RIMS2: variants seen among roughly 807,000 people sequenced by gnomAD.
The protein encoded by RIMS2 is regulating synaptic membrane exocytosis protein 2.
Under a neutral mutation model 174.4 loss-of-function variants are expected in RIMS2, and 59 were observed. The observed-to-expected ratio is 0.34, with a 90% CI of 0.27 to 0.42. The LOEUF (loss-of-function observed/expected upper bound fraction) is 0.42, where lower values mean the gene tolerates loss of function less well. RIMS2 is among the 10% of genes least tolerant of loss of function. The pLI is 1.00. For missense variants in RIMS2, 1,620 were observed against 1,666.3 expected, an observed-to-expected ratio of 0.97 and a Z score of 0.48; for synonymous variants, 606 against 572.5, an observed-to-expected ratio of 1.06 and a Z score of -0.84.
At chr8:104,196,612 G>A (rs1427743083) in intron 19 of RIMS2, among the ~76,000 whole-genome samples, 1 of 152,040 alleles carries the variant, frequency 6.6e-6, no homozygotes, top group Non-Finnish European at 1.5e-5. Flanking sequence ...AAATATGTTT[G>A]ATGATAGTAC....
chr8:103,898,028 C>A (rs376821755), intron 4 of RIMS2, among the ~76,000 whole-genome samples: 1 of 151,702 alleles, frequency 6.6e-6, no homozygotes, highest in East Asian at 1.9e-4. Context: ...GTGCTTCCTT[C>A]TCATTGGTGG....
intron 1 of RIMS2, among the ~76,000 whole-genome samples, chr8:103,596,495 G>T (rs977961558): frequency 6.6e-6 from 1 of 151,982 alleles, no homozygotes; most frequent in Admixed American, 6.6e-5. Context: ...CCTCATAAAT[G>T]TAAATATCTC....
intron 3 of RIMS2, among the ~76,000 whole-genome samples, chr8:103,880,168 T>G (rs1272742428): frequency 6.6e-6 from 1 of 151,680 alleles, no homozygotes; most frequent in Non-Finnish European, 1.5e-5. Context: ...GGTGAAAGCT[T>G]AAGCAGCACA....
rs144153223 is a variant in RIMS2, at chr8:103,504,695, G to A, written c.176+3633G>A. ...CAATAAGTAAAAATTTTCCTGATAG[G>A]TTAGGATAACAATTAGTATATATTT... On this transcript the variant is annotated intron_variant, in intron 1 of 23. Coordinates refer to ENST00000504942, the Ensembl canonical transcript of RIMS2. Among the ~76,000 whole-genome samples the A allele has an allele frequency of 5.1e-4, 78 of 152,020 alleles. 1 individual carries two copies. In the East Asian group the frequency reaches 0.014, roughly 28 times the overall value.
chr8:103,819,601 C>T, intron 3 of RIMS2: 1 of 1,613,324 alleles, frequency 6.2e-7, no homozygotes, highest in African/African-American at 1.3e-5. Context: ...ACAAAATGAG[C>T]TTTTTGGACA....
intron 19 of RIMS2, among the ~76,000 whole-genome samples, chr8:104,187,906 G>T (rs749005559): frequency 6.6e-6 from 1 of 151,040 alleles, no homozygotes; most frequent in Non-Finnish European, 1.5e-5. Context: ...TTCAAGAGAA[G>T]AGTTTTTTTA....
intron 2 of RIMS2, among the ~76,000 whole-genome samples, chr8:103,734,765 G>T (rs2097663064): frequency 6.6e-6 from 1 of 151,972 alleles, no homozygotes; most frequent in African/African-American, 2.4e-5. Flanking sequence ...TGCAAGCTTT[G>T]GTAGGCCTCT....
chr8:103,812,333 T>TTTTG (rs2098692858), intron 3 of RIMS2, among the ~76,000 whole-genome samples: 1 of 82,482 alleles, frequency 1.2e-5, no homozygotes, highest in Non-Finnish European at 3.0e-5. Context: ...ATTACCTTGT[T>TTTTG]TTTTTTTTTT....
At chr8:103,879,283 AG>A (rs761465061) in intron 3 of RIMS2, among the ~76,000 whole-genome samples, 7 of 151,484 alleles carry the variant, frequency 4.6e-5, no homozygotes, top group Non-Finnish European at 1.0e-4. Context: ...TTACAGTTGG[AG>A]GAACACCACC....
At chr8:103,549,269 C>A (rs1441765750) in intron 1 of RIMS2, among the ~76,000 whole-genome samples, 2 of 152,186 alleles carry the variant, frequency 1.3e-5, no homozygotes, top group African/African-American at 4.8e-5. Flanking sequence ...AACAGCAGAT[C>A]TCTTGGCAGA....
chr8:103,594,802 G>C (rs2094421792), intron 1 of RIMS2, among the ~76,000 whole-genome samples: 1 of 151,764 alleles, frequency 6.6e-6, no homozygotes, highest in South Asian at 2.1e-4. Flanking sequence ...CAAATCTTTA[G>C]ATGTGTTTCT....
intron 2 of RIMS2, among the ~76,000 whole-genome samples, chr8:103,734,317 C>CTTT (rs752360759): frequency 3.1e-4 from 38 of 121,706 alleles, no homozygotes; most frequent in South Asian, 1.4e-3. Context: ...GGCCTAAAAG[C>CTTT]TTTTTTTTTT....
At chr8:103,679,262 G>A (rs2096850991) in intron 1 of RIMS2, among the ~76,000 whole-genome samples, 1 of 152,042 alleles carries the variant, frequency 6.6e-6, no homozygotes, top group African/African-American at 2.4e-5. Context: ...CTTATGAGGA[G>A]CTCTTAATTT....
At chr8:103,769,010 C>A in intron 3 of RIMS2, 2 of 326,704 alleles carry the variant, frequency 6.1e-6, no homozygotes, top group South Asian at 3.6e-5. Flanking sequence ...ACTTCTAAGT[C>A]TGAATCCAGT....
At chr8:103,985,883 C>A (rs2094322864) in intron 16 of RIMS2, among the ~76,000 whole-genome samples, 1 of 152,110 alleles carries the variant, frequency 6.6e-6, no homozygotes, top group Non-Finnish European at 1.5e-5. Context: ...ATAAATACCA[C>A]ATGATCTAAC....
At position 103,572,129 on chromosome 8, in the gene RIMS2, A is replaced by G. The variant is rs1228128214; in HGVS notation, c.176+71067A>G. On this transcript the variant is annotated intron_variant, in intron 1 of 23. Transcript: ENST00000504942. ...GAAGTGTCTGGAGTTTCTTCCTTCC[A>G]GTGGGTTCATGGTCTCGCTTGACTT... is the stretch of plus-strand genomic sequence containing the variant. 2.0e-5 allele frequency among the ~76,000 whole-genome samples: 3 copies of G among 152,010 alleles called. No individual in the cohort carries two copies. The East Asian group carries it at 5.8e-4, about 29-fold the overall frequency.
At chr8:104,082,548 A>G (rs76443807) in intron 19 of RIMS2, among the ~76,000 whole-genome samples, 2 of 152,144 alleles carry the variant, frequency 1.3e-5, no homozygotes. Context: ...GAAACAGCTA[A>G]TAGTTCTTTA....
chr8:103,519,719 TC>T (rs1378214086), intron 1 of RIMS2, among the ~76,000 whole-genome samples: 1 of 149,276 alleles, frequency 6.7e-6, no homozygotes, highest in Non-Finnish European at 1.5e-5. Flanking sequence ...GTACATGTTT[TC>T]GTGGCTTTAC....
At chr8:104,108,653 T>A (rs1374465341) in intron 19 of RIMS2, among the ~76,000 whole-genome samples, 1 of 152,132 alleles carries the variant, frequency 6.6e-6, no homozygotes, top group Non-Finnish European at 1.5e-5. Context: ...TCATGCAGGA[T>A]TTTTAGATAT....
Sources: gnomAD v4.1 joint callset for allele counts (sites outside exome capture counted in the v4.1 genomes callset) on GRCh38, gnomAD v4.1.1 for gene constraint, MANE v1.5 for transcripts, NCBI Gene and HGNC (gene_info 2026-07-23, HGNC 2026-07-21) for gene names.